The following ABLIM2 variants were observed in gnomAD, a reference collection of about 807,000 sequenced individuals.
ABLIM2 encodes the protein actin binding LIM protein family member 2, also known as actin-binding LIM protein 2.
In ABLIM2, 53 loss-of-function variants were observed where a neutral mutation model predicts 97.7. That is an observed-to-expected ratio of 0.54 (90% CI 0.44 to 0.68). The LOEUF is 0.68. Ranked by LOEUF, ABLIM2 falls within the 30% of genes least tolerant of loss-of-function variation. The probability of loss-of-function intolerance (pLI) is 0.00; values close to 1 mark genes in which losing one functional copy is unlikely to be tolerated. For missense variants in ABLIM2, 835 were observed against 867.2 expected (o/e 0.96, Z 0.47); for synonymous variants, 361 against 345.8 (o/e 1.04, Z -0.49).
intron 5 of ABLIM2, among the ~76,000 whole-genome samples, chr4:8,078,342 C>G (rs1022040036): frequency 2.0e-5 from 3 of 152,262 alleles, no homozygotes; most frequent in Admixed American, 2.0e-4. Flanking sequence ...CCTCTCCCCA[C>G]GCACACGTGC....
rs1171588348 is a variant in ABLIM2, at chr4:8,147,612, T to A, written c.10+11068A>T. ...GCATGAAGATGGAGCTGAGGGAGGT[T>A]TGAAGACTCTGCCTTGAAGATTGGA... On this transcript the variant is annotated intron_variant, in intron 1 of 20. Transcript: ENST00000447017. This position sits in a 1 kb window ranked among gnomAD's most constrained non-coding sequence, Gnocchi z 5.3. Among the ~76,000 whole-genome samples the A allele has an allele frequency of 6.6e-6, 1 of 152,076 alleles. No individual in the cohort carries two copies. Among genetic ancestry groups the A allele is most frequent in the Non-Finnish European group, 1.5e-5 (1 of 68,016 alleles).
intron 20 of ABLIM2, among the ~76,000 whole-genome samples, chr4:7,982,701 CATTATT>C (rs59501197): frequency 2.0e-5 from 3 of 150,946 alleles, no homozygotes; most frequent in African/African-American, 7.3e-5. Flanking sequence ...CTGCAGAGCT[CATTATT>C]ATTATTATTA....
In ABLIM2 at chr4:8,054,065, C is replaced by G; in HGVS notation, c.822+123G>C. 2 of 1,112,348 alleles carry G rather than the reference C, an allele frequency of 1.8e-6. No homozygotes were observed. The highest frequency in any genetic ancestry group is 1.3e-5 in the South Asian group (1 of 75,120). 68.9% of individuals were successfully genotyped at this position (1,112,348 alleles called of 1,614,324 possible). A position where few individuals can be genotyped will look rare whatever the true frequency, so the allele number is the denominator to read the frequency against. On this transcript the variant is annotated intron_variant, in intron 8 of 20. Transcript: ENST00000447017. The surrounding 1 kb of genome is among the most constrained non-coding windows in gnomAD (Gnocchi z 4.9). ...CCCACCTCCTAAGCCTGGCTGCCCC[C>G]ATCCTGCAGCCCGTGGGACTGGACA...
At chr4:7,974,311 C>T (rs1365507012) in intron 20 of ABLIM2, among the ~76,000 whole-genome samples, 3 of 150,328 alleles carry the variant, frequency 2.0e-5, no homozygotes, top group Admixed American at 2.0e-4. Context: ...ACCCATCCAC[C>T]AATCCATCCA....
At position 8,087,921 on chromosome 4, in the gene ABLIM2, G is replaced by T. The variant is rs1005607783; in HGVS notation, c.454+248C>A. On this transcript the variant is annotated intron_variant, in intron 4 of 20. Transcript: ENST00000447017. This position sits in a 1 kb window ranked among gnomAD's most constrained non-coding sequence, Gnocchi z 4.6. ...GTTCACTGCAGCTGCTGCTGCTCTG[G>T]GTCCCCGTTTCTCAGGCTCTGTCCC... 4.0e-5 allele frequency among the ~76,000 whole-genome samples: 6 copies of T among 151,764 alleles called. No individual in the cohort carries two copies. The highest frequency in any genetic ancestry group is 3.9e-4 in the Admixed American group (6 of 15,252).
At chr4:8,010,301 A>G (rs1764090335) in intron 14 of ABLIM2, 1 of 923,458 alleles carries the variant, frequency 1.1e-6, no homozygotes. Context: ...GTAAACACCC[A>G]CACCTTGTGT....
rs1812860493 is a variant in ABLIM2 at position 8,072,408 on chromosome 4, C to T, written c.675+5220G>A. Among the ~76,000 whole-genome samples the T allele has an allele frequency of 6.6e-6, 1 of 152,208 alleles. No homozygotes were observed. Among genetic ancestry groups the T allele is most frequent in the African/African-American group, 2.4e-5 (1 of 41,466 alleles). Reference sequence around the variant, plus strand: ...GCCCCAGTTTGGGTGGGGTCTGCCCCCGACCCCAGGCCAGGGCCTCTCTGG... The same window carrying T: ...GCCCCAGTTTGGGTGGGGTCTGCCCTCGACCCCAGGCCAGGGCCTCTCTGG... On this transcript the variant is annotated intron_variant, in intron 6 of 20. Transcript: ENST00000447017. The surrounding 1 kb of genome is among the most constrained non-coding windows in gnomAD (Gnocchi z 5.8).
At chr4:8,101,717 C>T (rs1027415819) in intron 2 of ABLIM2, among the ~76,000 whole-genome samples, 19 of 152,330 alleles carry the variant, frequency 1.2e-4, no homozygotes, top group African/African-American at 4.6e-4. Context: ...CTCCCGAGGG[C>T]ACACATGGGT....
In ABLIM2 at chr4:8,057,050, A is replaced by G. The variant is rs915940610; in HGVS notation, c.764-2804T>C. Among the ~76,000 whole-genome samples the G allele has an allele frequency of 3.2e-5, 4 of 123,406 alleles. No individual in the cohort carries two copies. The South Asian group carries it at 1.2e-3, about 36-fold the overall frequency. 81.0% of individuals were successfully genotyped at this position (123,406 alleles called of 152,430 possible). On this transcript the variant is annotated intron_variant, in intron 7 of 20. Transcript: ENST00000447017. ...GGACAGATAAGAATTTTATCTCTCT[A>G]CTCCTCTCCTGATCTTTCTTTTTTC... is the stretch of plus-strand genomic sequence containing the variant.
chr4:8,045,066 C>T (rs760827011), intron 9 of ABLIM2, 98 bp downstream of exon 9: 48 of 1,096,382 alleles, frequency 4.4e-5, no homozygotes, highest in Middle Eastern at 2.7e-4. Context: ...TGATAGTTCT[C>T]GGAAAACTCT....
At chr4:8,105,685 G>A (rs1837018381) in intron 2 of ABLIM2, among the ~76,000 whole-genome samples, 2 of 152,220 alleles carry the variant, frequency 1.3e-5, no homozygotes, top group South Asian at 2.1e-4. Context: ...AGGCAGGCAC[G>A]GGGCCGCACA....
rs1811648776 is a variant in ABLIM2, at chr4:8,071,034, G to A, written c.675+6594C>T. 6.6e-6 allele frequency among the ~76,000 whole-genome samples: 1 copy of A among 152,110 alleles called. No individual in the cohort carries two copies. The highest frequency in any genetic ancestry group is 1.5e-5 in the Non-Finnish European group (1 of 68,010). Reference sequence around the variant, plus strand: ...GGGAGGGATGGGGTTCCTGGAAGGTGGGGCTCTGAACACATGGCCAGTGGC... The same window carrying A: ...GGGAGGGATGGGGTTCCTGGAAGGTAGGGCTCTGAACACATGGCCAGTGGC... On this transcript the variant is annotated intron_variant, in intron 6 of 20. Transcript: ENST00000447017. The surrounding 1 kb of genome is among the most constrained non-coding windows in gnomAD (Gnocchi z 6.2).
At chr4:8,145,077 A>G (rs1314883905) in intron 1 of ABLIM2, among the ~76,000 whole-genome samples, 1 of 152,142 alleles carries the variant, frequency 6.6e-6, no homozygotes, top group African/African-American at 2.4e-5. Flanking sequence ...CTCATCTGCC[A>G]ACTGGGAGCA....
intron 1 of ABLIM2, among the ~76,000 whole-genome samples, chr4:8,110,841 G>A (rs1278704056): frequency 2.0e-5 from 3 of 152,220 alleles, no homozygotes; most frequent in African/African-American, 7.2e-5. Context: ...CTGCCTCCAT[G>A]CAGGTGCCGC....
At chr4:8,110,778 G>A (rs547797435) in intron 1 of ABLIM2, among the ~76,000 whole-genome samples, 11 of 152,312 alleles carry the variant, frequency 7.2e-5, no homozygotes, top group African/African-American at 2.2e-4. Flanking sequence ...GGGTCATGGC[G>A]GAGGCGCTGC....
At chr4:8,073,877 C>T (rs960181302) in intron 6 of ABLIM2, among the ~76,000 whole-genome samples, 1 of 151,824 alleles carries the variant, frequency 6.6e-6, no homozygotes, top group Non-Finnish European at 1.5e-5. Flanking sequence ...CACCTGAGGT[C>T]GGGAGTTCGA....
At position 8,158,800 on chromosome 4, in the gene ABLIM2, CT is replaced by C. The variant is rs1716277874; in HGVS notation, c.-112del. On this transcript the variant is annotated 5_prime_UTR_variant, in exon 1 of 21. Coordinates refer to ENST00000447017, the MANE Select transcript of ABLIM2 (RefSeq NM_001130083.2). Reference sequence around the variant, plus strand: ...CGCCCGCCCGCCGGCTCCGCGCCCGCTCCTTGCGCACACGCCAGGCAGCGCC... The same window carrying C: ...CGCCCGCCCGCCGGCTCCGCGCCCGCCCTTGCGCACACGCCAGGCAGCGCC... 2 of 1,020,892 alleles carry C rather than the reference CT, an allele frequency of 2.0e-6. No individual in the cohort carries two copies. Among genetic ancestry groups the C allele is most frequent in the African/African-American group, 3.4e-5 (2 of 58,742 alleles). The allele number at this position is 1,020,892 out of a possible 1,614,324, so 63.2% of individuals were successfully genotyped here. A position where few individuals can be genotyped will look rare whatever the true frequency, so the allele number is the denominator to read the frequency against.
intron 12 of ABLIM2, among the ~76,000 whole-genome samples, chr4:8,020,999 G>T (rs1773304444): frequency 1.3e-5 from 2 of 151,778 alleles, no homozygotes; most frequent in South Asian, 4.2e-4. Context: ...TGGGACCACA[G>T]GTGTGCACTA....
Position 8,147,863 on chromosome 4 carries a change from C to A in ABLIM2, c.10+10817G>T, listed in dbSNP as rs1852083178. ...CCTAGACACTCACAGGTGGCCTTTG[C>A]CCAGCACTCTGGTTGTGCCATCTTC... is the stretch of plus-strand genomic sequence containing the variant. On this transcript the variant is annotated intron_variant, in intron 1 of 20. Transcript: ENST00000447017. This position sits in a 1 kb window ranked among gnomAD's most constrained non-coding sequence, Gnocchi z 5.3. 6.6e-6 allele frequency among the ~76,000 whole-genome samples: 1 copy of A among 152,234 alleles called. No individual in the cohort carries two copies. Among genetic ancestry groups the A allele is most frequent in the Non-Finnish European group, 1.5e-5 (1 of 68,042 alleles).
Sources: allele counts gnomAD v4.1 joint callset (sites outside exome capture counted in the v4.1 genomes callset), GRCh38; gene constraint gnomAD v4.1.1; non-coding constraint Gnocchi (gnomAD v3.1); transcripts MANE v1.5; gene names NCBI Gene and HGNC (gene_info 2026-07-23, HGNC 2026-07-21).